The following GALNT14 variants were observed in gnomAD, a reference collection of about 807,000 sequenced individuals.
GALNT14 encodes the protein UDP-GalNAc:polypeptide N-acetylgalactosaminyltransferase 14.
GALNT14 carries 60 observed loss-of-function variants against 77.5 expected under a neutral mutation model. The observed-to-expected ratio is 0.77, with a 90% CI of 0.63 to 0.96. The LOEUF is 0.96. GALNT14 is among the 40% of genes least tolerant of loss of function. The pLI is 0.00. For synonymous variants in GALNT14, 280 were observed against 281.7 expected, an observed-to-expected ratio of 0.99 and a Z score of 0.06; for missense variants, 710 against 731.0, an observed-to-expected ratio of 0.97 and a Z score of 0.33.
downstream of GALNT14, among the ~76,000 whole-genome samples, chr2:30,905,974 G>A (rs1204893883): frequency 2.6e-5 from 4 of 150,964 alleles, no homozygotes; most frequent in African/African-American, 4.9e-5. Flanking sequence ...CTTCATAAGC[G>A]AAGGAGAAAT....
At chr2:31,063,614 G>C (rs1490355786) in intron 1 of GALNT14, among the ~76,000 whole-genome samples, 1 of 152,204 alleles carries the variant, frequency 6.6e-6, no homozygotes, top group African/African-American at 2.4e-5. Flanking sequence ...ATAGTAGCTT[G>C]ATGGGAATTG....
intron 1 of GALNT14, among the ~76,000 whole-genome samples, chr2:31,027,545 C>T (rs1454614483): frequency 6.6e-6 from 1 of 151,994 alleles, no homozygotes; most frequent in African/African-American, 2.4e-5. Context: ...TGCAAAAGAT[C>T]CTCGACAAAA....
chr2:31,042,580 A>T (rs1170423562), intron 1 of GALNT14, among the ~76,000 whole-genome samples: 1 of 152,180 alleles, frequency 6.6e-6, no homozygotes, highest in African/African-American at 2.4e-5. Context: ...CTCCACCCAC[A>T]GCCTGGTCCA....
At chr2:31,021,207 G>T (rs575703494) in intron 1 of GALNT14, among the ~76,000 whole-genome samples, 2 of 152,238 alleles carry the variant, frequency 1.3e-5, no homozygotes, top group African/African-American at 4.8e-5. Context: ...TCACCAAAGG[G>T]GAGCAAGGTA....
In GALNT14 at chr2:31,090,169, A is replaced by C. The variant is rs117434174; in HGVS notation, c.129+47789T>G. 3.9e-4 allele frequency among the ~76,000 whole-genome samples: 60 copies of C among 152,220 alleles called. No individual in the cohort carries two copies. The East Asian group carries it at 7.2e-3, about 18-fold the overall frequency. ...CCACCCCTCCTCCACTGATGGAGCA[A>C]AGTGTCCCTCAAGAAGGCCCCCAGT... On this transcript the variant is annotated intron_variant, in intron 1 of 14. Transcript: ENST00000349752.
chr2:31,088,555 A>G (rs1676573652), intron 1 of GALNT14, among the ~76,000 whole-genome samples: 1 of 152,172 alleles, frequency 6.6e-6, no homozygotes, highest in South Asian at 2.1e-4. Flanking sequence ...ACAACCCACA[A>G]CTTGGAGCCC....
intron 13 of GALNT14, among the ~76,000 whole-genome samples, chr2:30,923,295 C>T (rs930688179): frequency 1.3e-5 from 2 of 152,042 alleles, no homozygotes; most frequent in African/African-American, 2.4e-5. Flanking sequence ...AACTCCGGAC[C>T]TTAGGTGATC....
intron 1 of GALNT14, among the ~76,000 whole-genome samples, chr2:31,067,403 A>G (rs1675046012): frequency 2.0e-5 from 3 of 152,160 alleles, no homozygotes; most frequent in African/African-American, 7.2e-5. Flanking sequence ...GTGCAGAGGC[A>G]CAGGGGTCAC....
intron 2 of GALNT14, among the ~76,000 whole-genome samples, chr2:30,975,317 G>A (rs1043532423): frequency 1.3e-5 from 2 of 152,202 alleles, no homozygotes; most frequent in Admixed American, 6.5e-5. Context: ...TGAAGCCTTC[G>A]ACAGACTGAG....
At chr2:30,981,529 G>C (rs1668988201) in intron 2 of GALNT14, among the ~76,000 whole-genome samples, 1 of 152,180 alleles carries the variant, frequency 6.6e-6, no homozygotes, top group South Asian at 2.1e-4. Flanking sequence ...TGGAGGGCAT[G>C]AGAGGGTGGA....
chr2:30,900,068 G>C, the GALNT14 span, among the ~76,000 whole-genome samples: 3,955 of 152,242 alleles, frequency 0.026, 203 homozygotes, highest in African/African-American at 0.09. Context: ...CTCTATTACG[G>C]GTAACTTTAC....
At chr2:30,902,700 A>G in the GALNT14 span, among the ~76,000 whole-genome samples, 1 of 152,198 alleles carries the variant, frequency 6.6e-6, no homozygotes, top group Non-Finnish European at 1.5e-5. Context: ...TAGTTTTTCA[A>G]TCATCCATTT....
chr2:30,944,733 T>C (rs1308864034), intron 8 of GALNT14, 125 bp downstream of exon 8: 1 of 695,756 alleles, frequency 1.4e-6, no homozygotes, highest in Non-Finnish European at 2.3e-6. Context: ...AAAGTGGAGA[T>C]GGCCTGGCAA....
intron 1 of GALNT14, chr2:31,078,862 C>T: frequency 4.8e-6 from 6 of 1,244,030 alleles, no homozygotes; most frequent in Non-Finnish European, 6.3e-6. Flanking sequence ...CACAGGAGAG[C>T]AGGGGAAAGT....
At chr2:30,970,432 A>G (rs935275788) in intron 2 of GALNT14, among the ~76,000 whole-genome samples, 3 of 152,200 alleles carry the variant, frequency 2.0e-5, no homozygotes, top group Admixed American at 6.5e-5. Context: ...CAGATGATGC[A>G]CGTAAGCACG....
chr2:30,936,939 C>T (rs991693737), intron 9 of GALNT14, among the ~76,000 whole-genome samples: 6 of 152,150 alleles, frequency 3.9e-5, no homozygotes, highest in African/African-American at 9.7e-5. Context: ...CTCAATTACA[C>T]GTAGGGAAGT....
chr2:30,927,146 T>C (rs963019868), intron 11 of GALNT14, among the ~76,000 whole-genome samples: 1 of 152,144 alleles, frequency 6.6e-6, no homozygotes, highest in Non-Finnish European at 1.5e-5. Context: ...CCCAAACTTG[T>C]CCCCATGTTA....
At chr2:31,063,870 C>G (rs193133642) in intron 1 of GALNT14, among the ~76,000 whole-genome samples, 5 of 152,064 alleles carry the variant, frequency 3.3e-5, no homozygotes, top group African/African-American at 7.2e-5. Context: ...GTCTATTATT[C>G]GTGTAAGTTT....
chr2:31,114,288 AG>A lies in GALNT14; in HGVS notation c.129+23669del, dbSNP rs201028377. 3.3e-5 allele frequency among the ~76,000 whole-genome samples: 5 copies of A among 151,854 alleles called. No homozygotes were observed. The South Asian group carries it at 6.2e-4, about 19-fold the overall frequency. On this transcript the variant is annotated intron_variant, in intron 1 of 14. Transcript: ENST00000349752. The stretch of plus-strand genomic sequence containing the variant: ...TGCAACAAGTGGGAAAAAAAAAAAA[AG>A]CCACCCACAAAGAGGACCAGAAGCT...
Sources: allele counts gnomAD v4.1 joint callset (sites outside exome capture counted in the v4.1 genomes callset), GRCh38; gene constraint gnomAD v4.1.1; transcripts MANE v1.5; gene names NCBI Gene and HGNC (gene_info 2026-07-23, HGNC 2026-07-21).